HRH1: variants seen among roughly 807,000 people sequenced by gnomAD.
The protein encoded by HRH1 is histamine H1 receptor.
HRH1 carries 6 observed loss-of-function variants against 10.3 expected under a neutral mutation model. The observed-to-expected ratio is 0.58, with a 90% confidence interval of 0.32 to 1.15. The LOEUF (loss-of-function observed/expected upper bound fraction) is 1.15, where lower values mean the gene tolerates loss of function less well. HRH1 is among the 50% of genes most tolerant of loss of function. The pLI, the probability that HRH1 is intolerant of heterozygous loss-of-function variation, is 0.05. For missense variants in HRH1, 514 were observed against 615.3 expected, an observed-to-expected ratio of 0.84 and a Z score of 1.74; for synonymous variants, 242 against 236.7, an observed-to-expected ratio of 1.02 and a Z score of -0.21.
At chr3:11,252,014 G>A (rs949858270) in intron 1 of HRH1, among the ~76,000 whole-genome samples, 1 of 152,206 alleles carries the variant, frequency 6.6e-6, no homozygotes, top group Non-Finnish European at 1.5e-5. Context: ...TTACATTGAC[G>A]AAAAGATGGA....
intron 1 of HRH1, among the ~76,000 whole-genome samples, chr3:11,247,632 A>G (rs1040538867): frequency 6.6e-6 from 1 of 152,182 alleles, no homozygotes; most frequent in African/African-American, 2.4e-5. Context: ...GAGACAAGGA[A>G]GTATAAGGAA....
At chr3:11,237,780 A>G (rs981256620) in intron 1 of HRH1, among the ~76,000 whole-genome samples, 2 of 145,066 alleles carry the variant, frequency 1.4e-5, no homozygotes, top group Non-Finnish European at 3.0e-5. Context: ...GGTTCAAGCA[A>G]TTCTCCTGCC....
chr3:11,218,130 T>C (rs1370993589), intron 1 of HRH1, among the ~76,000 whole-genome samples: 1 of 152,216 alleles, frequency 6.6e-6, no homozygotes, highest in Non-Finnish European at 1.5e-5. Context: ...ATGTAGTATC[T>C]AGGTATGTAC....
chr3:11,202,048 A>G (rs936311904), intron 1 of HRH1, among the ~76,000 whole-genome samples: 3 of 152,188 alleles, frequency 2.0e-5, no homozygotes, highest in African/African-American at 4.8e-5. Flanking sequence ...TCCTTAATAC[A>G]TACGGTTGAG....
Position 11,259,545 on chromosome 3 carries a change from C to T in HRH1, c.508C>T (p.Gln170Ter). The T allele has an allele frequency of 6.2e-7, 1 of 1,614,164 alleles. No homozygotes were observed. The highest frequency in any genetic ancestry group is 1.1e-5 in the South Asian group (1 of 91,082). The change falls in exon 2 of 2, where the codon CAG (glutamine) becomes TAG (stop). Residue 170 changes from glutamine to a stop codon, truncating the protein, a stop_gained. Transcript: ENST00000431010. LOFTEE classifies it low-confidence loss of function (END_TRUNC). This position sits in a 1 kb window ranked among gnomAD's most constrained non-coding sequence, Gnocchi z 4.6. The part of the protein sequence containing the change: ...IPILGWNHFM[Q>*]QTSVRREDKC... ...CATTCTAGGCTGGAATCACTTCATG[C>T]AGCAGACCTCGGTGCGCCGAGAGGA...
At chr3:11,161,761 G>A (rs184524469) in intron 1 of HRH1, among the ~76,000 whole-genome samples, 103 of 152,302 alleles carry the variant, frequency 6.8e-4, no homozygotes, top group Non-Finnish European at 1.1e-3. Flanking sequence ...ATATTTTTCA[G>A]TTGTTTATTG....
At chr3:11,245,242 A>G (rs751929136) in intron 1 of HRH1, among the ~76,000 whole-genome samples, 4 of 152,114 alleles carry the variant, frequency 2.6e-5, no homozygotes, top group Non-Finnish European at 4.4e-5. Context: ...AGTCCCAGGC[A>G]CTCAGGAGGC....
At chr3:11,140,821 G>GA (rs780130061) in intron 1 of HRH1, among the ~76,000 whole-genome samples, 62 of 152,242 alleles carry the variant, frequency 4.1e-4, no homozygotes, top group Non-Finnish European at 7.9e-4. Context: ...ATGGAATTAG[G>GA]GATGTATAAG....
intron 1 of HRH1, among the ~76,000 whole-genome samples, chr3:11,190,234 G>A (rs988035744): frequency 4.0e-5 from 6 of 151,792 alleles, no homozygotes; most frequent in Non-Finnish European, 7.4e-5. Flanking sequence ...TGACTAGTCC[G>A]GGTGTGGTGG....
intron 1 of HRH1, chr3:11,234,707 C>A: frequency 9.9e-7 from 1 of 1,007,404 alleles, no homozygotes. Flanking sequence ...TGAGACCTTG[C>A]AGAAGTGGCG....
chr3:11,236,988 T>A (rs1450730326), intron 1 of HRH1, among the ~76,000 whole-genome samples: 1 of 152,224 alleles, frequency 6.6e-6, no homozygotes. Flanking sequence ...CACTTTTTTT[T>A]TCCTCAAGAA....
chr3:11,223,732 A>G (rs1392716209), intron 1 of HRH1, among the ~76,000 whole-genome samples: 1 of 152,220 alleles, frequency 6.6e-6, no homozygotes, highest in Non-Finnish European at 1.5e-5. Context: ...CGCTACCAAG[A>G]AAAGGGGGAA....
At chr3:11,193,324 CTATT>C (rs147128337) in intron 1 of HRH1, among the ~76,000 whole-genome samples, 29,019 of 152,150 alleles carry the variant, frequency 0.19, 3,214 homozygotes, top group Admixed American at 0.3. Flanking sequence ...AAATTAAAAA[CTATT>C]AATATCAGGC....
Position 11,261,484 on chromosome 3 carries a change from A to C in HRH1, c.*983A>C, listed in dbSNP as rs200265248. On this transcript the variant is annotated 3_prime_UTR_variant, in exon 2 of 2. Coordinates refer to ENST00000431010, the MANE Select transcript of HRH1 (RefSeq NM_001098212.2). ...ACATAGCTAGTTATGTGAGAAAGTT[A>C]GAGTACAGATCCTCTGGGGTTTCAG... The C allele has an allele frequency of 6.0e-6, 1 of 167,106 alleles. No homozygotes were observed. Among genetic ancestry groups the C allele is most frequent in the Non-Finnish European group, 1.5e-5 (1 of 68,122 alleles). The allele number at this position is 167,106 out of a possible 1,614,324, so 10.4% of individuals were successfully genotyped here.
At chr3:11,172,863 A>G (rs554553227) in intron 1 of HRH1, among the ~76,000 whole-genome samples, 1 of 151,714 alleles carries the variant, frequency 6.6e-6, no homozygotes, top group Non-Finnish European at 1.5e-5. Context: ...CTCCACGCCC[A>G]GCTAATTTTT....
At chr3:11,193,690 A>C (rs1398792416) in intron 1 of HRH1, among the ~76,000 whole-genome samples, 1 of 152,230 alleles carries the variant, frequency 6.6e-6, no homozygotes, top group Non-Finnish European at 1.5e-5. Flanking sequence ...GTCCAAGCTC[A>C]AGGCGACAGC....
chr3:11,234,717 G>A (rs1939130865), intron 1 of HRH1: 6 of 912,844 alleles, frequency 6.6e-6, no homozygotes, highest in East Asian at 4.8e-5. Flanking sequence ...CAGAAGTGGC[G>A]GTGGCAGCAG....
In HRH1 at chr3:11,194,684, G is replaced by A. The variant is rs150360691; in HGVS notation, c.-36+40130G>A. ...CAAACAATTAGCTGGACATGGTGGC[G>A]TGCACCTGTAATCCCAGCTACTTGG... On this transcript the variant is annotated intron_variant, in intron 1 of 1. Coordinates refer to ENST00000431010, the MANE Select transcript of HRH1 (RefSeq NM_001098212.2). 5.4e-3 allele frequency among the ~76,000 whole-genome samples: 815 copies of A among 152,212 alleles called. 10 individuals are homozygous for A. The highest frequency in any genetic ancestry group is 0.019 in the African/African-American group (773 of 41,526).
chr3:11,214,912 A>G (rs955493664), intron 1 of HRH1, among the ~76,000 whole-genome samples: 4 of 152,232 alleles, frequency 2.6e-5, no homozygotes, highest in Admixed American at 6.5e-5. Context: ...GGATGGGAGA[A>G]TGGTAGGACA....
Sources: gnomAD v4.1 joint callset for allele counts (sites outside exome capture counted in the v4.1 genomes callset) on GRCh38, gnomAD v4.1.1 for gene constraint, Gnocchi (gnomAD v3.1) non-coding constraint, MANE v1.5 for transcripts, NCBI Gene and HGNC (gene_info 2026-07-23, HGNC 2026-07-21) for gene names.